Variants in SMIM21 observed in about 807,000 individuals in gnomAD.
SMIM21 encodes small integral membrane protein 21.
Under a neutral mutation model 8.6 loss-of-function variants are expected in SMIM21, and 8 were observed. That is an observed-to-expected ratio of 0.93 (90% CI 0.55 to 1.68). SMIM21 has a LOEUF of 1.68. Among genes scored for constraint, SMIM21 ranks in the 40% most tolerant of loss-of-function variants. SMIM21 has a pLI of 0.00. For missense variants in SMIM21, 132 were observed against 123.0 expected (o/e 1.07, Z -0.35); for synonymous variants, 43 against 41.7 (o/e 1.03, Z -0.12).
At chr18:75,412,771 T>A (rs1265986527) in intron 2 of SMIM21, among the ~76,000 whole-genome samples, 1 of 152,138 alleles carries the variant, frequency 6.6e-6, no homozygotes, top group Non-Finnish European at 1.5e-5. Context: ...AGACTCCCTA[T>A]AGGTTTACAG....
chr18:75,412,932 G>A (rs186278479), intron 2 of SMIM21, among the ~76,000 whole-genome samples: 3 of 152,034 alleles, frequency 2.0e-5, no homozygotes, highest in East Asian at 3.9e-4. Flanking sequence ...ATTCAAATCC[G>A]AACTCTTATT....
At chr18:75,416,342 A>G (rs562301133) in intron 2 of SMIM21, 5 of 152,320 alleles carry the variant, frequency 3.3e-5, no homozygotes, top group East Asian at 3.9e-4. Context: ...TTTTTTGCCT[A>G]TAAGTATTCT....
chr18:75,413,588 C>G (rs551194171), intron 2 of SMIM21, among the ~76,000 whole-genome samples: 1 of 152,186 alleles, frequency 6.6e-6, no homozygotes, highest in African/African-American at 2.4e-5. Context: ...TAAGGCCATT[C>G]GTGGTCTGGT....
At chr18:75,422,028 A>G (rs939034184) in intron 1 of SMIM21, among the ~76,000 whole-genome samples, 2 of 152,200 alleles carry the variant, frequency 1.3e-5, no homozygotes, top group East Asian at 3.9e-4. Flanking sequence ...AAGAGACAAC[A>G]TAGCCTTCAC....
rs1043756511 is a variant in SMIM21, at chr18:75,427,680, G to C, written c.-117C>G. ...TTCCCAAGGAGCTTTTCTCTTCTTT[G>C]CCAACCTTGAAGATCTGGGTATTAT... On this transcript the variant is annotated 5_prime_UTR_variant, in exon 1 of 3. Transcript: ENST00000579022. The C allele has an allele frequency of 8.1e-6, 9 of 1,117,386 alleles. No individual in the cohort carries two copies. The Admixed American group carries it at 2.5e-4, about 31-fold the overall frequency. 69.2% of individuals were successfully genotyped at this position (1,117,386 alleles called of 1,614,324 possible).
intron 1 of SMIM21, among the ~76,000 whole-genome samples, chr18:75,420,543 A>G (rs1387454580): frequency 1.3e-5 from 2 of 152,182 alleles, no homozygotes; most frequent in Non-Finnish European, 2.9e-5. Flanking sequence ...TTAGATCTGT[A>G]CTGCTTGATT....
intron 2 of SMIM21, among the ~76,000 whole-genome samples, chr18:75,414,225 A>G (rs190396983): frequency 6.6e-6 from 1 of 152,256 alleles, no homozygotes; most frequent in Non-Finnish European, 1.5e-5. Flanking sequence ...ATTTATTATC[A>G]AAGGATAAAA....
chr18:75,422,119 G>A (rs921542445), intron 1 of SMIM21, among the ~76,000 whole-genome samples: 7 of 152,140 alleles, frequency 4.6e-5, no homozygotes, highest in Non-Finnish European at 1.0e-4. Flanking sequence ...ACCCAGCAGG[G>A]CCACTGGCCC....
At position 75,427,471 on chromosome 18, in the gene SMIM21, G is replaced by T; in HGVS notation, c.93C>A (p.Phe31Leu). 3 of 1,614,030 alleles carry T rather than the reference G, an allele frequency of 1.9e-6. No individual in the cohort carries two copies. Among genetic ancestry groups the T allele is most frequent in the Non-Finnish European group, 2.5e-6 (3 of 1,179,962 alleles). The change falls in exon 1 of 3, where the codon TTC becomes TTA. Residue 31 changes from phenylalanine (F) to leucine (L), a missense_variant. Transcript: ENST00000579022. ...CTTTCTTCTGCAGCAAATTCCCCTT[G>T]AATATCCGTCCCATTCCTGCAGAGT... ...KQDSAGMGRI[F>L]KGNLLQKKAL...
At chr18:75,419,308 A>C (rs2024685073) in intron 1 of SMIM21, among the ~76,000 whole-genome samples, 1 of 152,188 alleles carries the variant, frequency 6.6e-6, no homozygotes, top group Non-Finnish European at 1.5e-5. Flanking sequence ...CAGATCTGTG[A>C]CCAGTATGAC....
chr18:75,422,184 G>A (rs969147244), intron 1 of SMIM21, among the ~76,000 whole-genome samples: 3 of 152,178 alleles, frequency 2.0e-5, no homozygotes, highest in Non-Finnish European at 4.4e-5. Context: ...ACAGGATGCT[G>A]TGGGAGGCTG....
chr18:75,418,128 C>T (rs1443207609), intron 2 of SMIM21: 12 of 397,982 alleles, frequency 3.0e-5, no homozygotes, highest in East Asian at 2.1e-4. Flanking sequence ...TTTATTTTTC[C>T]GAGTGAGGCT....
chr18:75,410,230 T>G lies in SMIM21; in HGVS notation c.*634A>C, dbSNP rs1234929970. The G allele has an allele frequency of 6.6e-6, 1 of 152,656 alleles. No homozygotes were observed. Among genetic ancestry groups the G allele is most frequent in the African/African-American group, 2.4e-5 (1 of 41,448 alleles). The allele number at this position is 152,656 out of a possible 1,614,324, so 9.5% of individuals were successfully genotyped here. ...GATAATGTAAGAGGCTTGGTGCAGT[T>G]TTCTACTTGACTGAGGGTTAGTTCA... is the stretch of plus-strand genomic sequence containing the variant. On this transcript the variant is annotated 3_prime_UTR_variant, in exon 3 of 3. Transcript: ENST00000579022.
intron 2 of SMIM21, chr18:75,417,578 G>A (rs2024660746): frequency 6.6e-6 from 1 of 152,174 alleles, no homozygotes; most frequent in Admixed American, 6.5e-5. Flanking sequence ...CTAGTTAGCA[G>A]TATTCAAACT....
intron 2 of SMIM21, among the ~76,000 whole-genome samples, chr18:75,412,094 A>G (rs1381104361): frequency 6.6e-6 from 1 of 152,146 alleles, no homozygotes; most frequent in Non-Finnish European, 1.5e-5. Context: ...AGAATATCTA[A>G]ACTTCCAAAT....
chr18:75,419,783 C>T (rs867615767), intron 1 of SMIM21, among the ~76,000 whole-genome samples: 10 of 152,098 alleles, frequency 6.6e-5, no homozygotes, highest in African/African-American at 2.4e-4. Flanking sequence ...AAAATGATTT[C>T]CTTAAGCTAA....
At chr18:75,427,410 C>G (rs991736746) in intron 1 of SMIM21, 25 bp downstream of exon 1, 2 of 1,609,096 alleles carry the variant, frequency 1.2e-6, no homozygotes, top group African/African-American at 2.7e-5. Context: ...TCTCATAACC[C>G]AAAGTTAAAG....
intron 2 of SMIM21, 111 bp downstream of exon 2, chr18:75,418,675 T>G: frequency 1.8e-6 from 2 of 1,104,482 alleles, no homozygotes; most frequent in South Asian, 1.8e-5. Flanking sequence ...TGGCTACAGA[T>G]TGATTGCTTG....
chr18:75,417,585 A>G (rs879359275), intron 2 of SMIM21: 3 of 152,182 alleles, frequency 2.0e-5, no homozygotes, highest in Non-Finnish European at 1.5e-5. Flanking sequence ...GCAGTATTCA[A>G]ACTGAAAATA....
Sources: gnomAD v4.1 joint callset for allele counts (sites outside exome capture counted in the v4.1 genomes callset) on GRCh38, gnomAD v4.1.1 for gene constraint, MANE v1.5 for transcripts, NCBI Gene and HGNC (gene_info 2026-07-23, HGNC 2026-07-21) for gene names.